ART3: variants seen among roughly 807,000 people sequenced by gnomAD.
ART3 encodes ecto-ADP-ribosyltransferase 3.
ART3 carries 49 observed loss-of-function variants against 48.5 expected under a neutral mutation model. That is an observed-to-expected ratio of 1.01 (90% confidence interval 0.80 to 1.28). The LOEUF (loss-of-function observed/expected upper bound fraction) is 1.28, where lower values mean the gene tolerates loss of function less well. Ranked by LOEUF, ART3 falls within the 50% of genes most tolerant of loss-of-function variation. ART3 has a pLI of 0.00. For synonymous variants in ART3, 145 were observed against 157.2 expected, an observed-to-expected ratio of 0.92 and a Z score of 0.58; for missense variants, 438 against 454.3, an observed-to-expected ratio of 0.96 and a Z score of 0.33.
At chr4:76,034,754 CA>C (rs1233206932) in intron 1 of ART3, 2 of 1,432,262 alleles carry the variant, frequency 1.4e-6, no homozygotes, top group Non-Finnish European at 1.9e-6. Context: ...CTAGGTTTTT[CA>C]GATGCTCTTT....
intron 1 of ART3, among the ~76,000 whole-genome samples, chr4:76,054,430 T>TAA (rs11446760): frequency 7.9e-5 from 12 of 151,824 alleles, no homozygotes; most frequent in African/African-American, 1.7e-4. Context: ...AGTGCGAATA[T>TAA]AAAAAAAATA....
At chr4:76,048,441 C>T (rs1473100951) in intron 1 of ART3, among the ~76,000 whole-genome samples, 1 of 151,758 alleles carries the variant, frequency 6.6e-6, no homozygotes, top group Non-Finnish European at 1.5e-5. Context: ...GGATGCATTT[C>T]AAGGGTGAGC....
chr4:76,100,770 T>C (rs749195745), intron 6 of ART3, 25 bp from the exon 7 acceptor site: 33 of 1,606,560 alleles, frequency 2.1e-5, no homozygotes, highest in Non-Finnish European at 2.8e-5. Flanking sequence ...TCGTTAAAAC[T>C]GATGAGCTTC....
chr4:76,104,074 C>G, intron 9 of ART3, 105 bp downstream of exon 9: 1 of 1,246,902 alleles, frequency 8.0e-7, no homozygotes, highest in South Asian at 1.2e-5. Context: ...TGAATATTTC[C>G]CTTATAGCTA....
intron 3 of ART3, among the ~76,000 whole-genome samples, chr4:76,088,974 A>G (rs1443379058): frequency 6.6e-6 from 1 of 152,198 alleles, no homozygotes; most frequent in East Asian, 1.9e-4. Context: ...AATTGTTGTA[A>G]TGAAACCAAG....
intron 11 of ART3, among the ~76,000 whole-genome samples, chr4:76,109,113 G>A (rs1361782726): frequency 6.6e-6 from 1 of 152,090 alleles, no homozygotes; most frequent in South Asian, 2.1e-4. Flanking sequence ...GTAGCTTAAT[G>A]TAACTGTTTT....
intron 1 of ART3, among the ~76,000 whole-genome samples, chr4:76,055,797 G>A (rs1295487463): frequency 6.6e-6 from 1 of 152,192 alleles, no homozygotes; most frequent in Non-Finnish European, 1.5e-5. Flanking sequence ...GTTAAAACTT[G>A]CATTTTGTTG....
intron 1 of ART3, among the ~76,000 whole-genome samples, chr4:76,016,831 G>A (rs574873477): frequency 2.2e-4 from 34 of 152,276 alleles, no homozygotes; most frequent in Middle Eastern, 3.4e-3. Context: ...CAGAGGCAGA[G>A]GAGCCTTTTA....
chr4:76,101,296 A>G (rs1727255484), intron 8 of ART3, among the ~76,000 whole-genome samples: 1 of 152,210 alleles, frequency 6.6e-6, no homozygotes, highest in African/African-American at 2.4e-5. Context: ...TGTGACCTCT[A>G]GGATATTGGG....
chr4:76,066,602 G>C (rs982981774), intron 1 of ART3, among the ~76,000 whole-genome samples: 7 of 152,052 alleles, frequency 4.6e-5, no homozygotes, highest in African/African-American at 1.7e-4. Flanking sequence ...CTTCTGCTCA[G>C]CTCTGGCTGA....
chr4:76,099,790 A>C (rs1003195629), intron 5 of ART3, among the ~76,000 whole-genome samples: 1 of 152,244 alleles, frequency 6.6e-6, no homozygotes, highest in African/African-American at 2.4e-5. Context: ...GTTCCTTATC[A>C]TGTGTTTGGC....
intron 3 of ART3, among the ~76,000 whole-genome samples, chr4:76,082,906 A>G (rs900561128): frequency 6.6e-6 from 1 of 152,190 alleles, no homozygotes; most frequent in African/African-American, 2.4e-5. Context: ...GGACAGCCCC[A>G]CACAACAAAG....
chr4:76,111,683 C>G (rs1157220870), intron 11 of ART3, among the ~76,000 whole-genome samples: 1 of 152,122 alleles, frequency 6.6e-6, no homozygotes, highest in East Asian at 1.9e-4. Flanking sequence ...GCGGGGACTA[C>G]AGGCGCCCGC....
chr4:76,068,619 CCTA>C (rs1719975629), intron 1 of ART3, among the ~76,000 whole-genome samples: 1 of 151,380 alleles, frequency 6.6e-6, no homozygotes, highest in African/African-American at 2.4e-5. Context: ...GGCAGTGGGG[CCTA>C]CTTGAGGGTG....
At chr4:76,045,323 A>G (rs1735397796) in intron 1 of ART3, among the ~76,000 whole-genome samples, 1 of 152,050 alleles carries the variant, frequency 6.6e-6, no homozygotes, top group African/African-American at 2.4e-5. Flanking sequence ...ACGCACGTGC[A>G]TATTTTAAGC....
rs564993406 is a variant in ART3, at chr4:76,092,490, A to G, written c.782-5154A>G. Reference sequence around the variant, plus strand: ...TTACTTAAATTGCTTCTGACAAAAAAATCTGCTGTGCTCCTCATTTCTGCT... The same window carrying G: ...TTACTTAAATTGCTTCTGACAAAAAGATCTGCTGTGCTCCTCATTTCTGCT... On this transcript the variant is annotated intron_variant, in intron 3 of 11. Transcript: ENST00000355810. 6.1e-4 allele frequency among the ~76,000 whole-genome samples: 93 copies of G among 152,296 alleles called. No homozygotes were observed. In the Middle Eastern group the frequency reaches 0.01, roughly 17 times the overall value.
intron 1 of ART3, among the ~76,000 whole-genome samples, chr4:76,050,231 T>A (rs1735924967): frequency 6.6e-6 from 1 of 152,070 alleles, no homozygotes; most frequent in Non-Finnish European, 1.5e-5. Flanking sequence ...CAGCCTGCTT[T>A]TATTCTCTTA....
chr4:76,052,102 G>T (rs1211635767), intron 1 of ART3, among the ~76,000 whole-genome samples: 1 of 151,632 alleles, frequency 6.6e-6, no homozygotes, highest in Admixed American at 6.6e-5. Context: ...TTAGAGACGG[G>T]GTTTCGCCAT....
chr4:76,105,617 CAGTT>C (rs1309381275), intron 10 of ART3: 1 of 1,267,680 alleles, frequency 7.9e-7, no homozygotes, highest in Admixed American at 2.4e-5. Flanking sequence ...CATAATCATT[CAGTT>C]AGTTCAGTCT....
Sources: allele counts gnomAD v4.1 joint callset (sites outside exome capture counted in the v4.1 genomes callset), GRCh38; gene constraint gnomAD v4.1.1; transcripts MANE v1.5; gene names NCBI Gene and HGNC (gene_info 2026-07-23, HGNC 2026-07-21).